Variants in NBEA observed in about 807,000 individuals in gnomAD.
The protein encoded by NBEA is neurobeachin, also known as lysosomal-trafficking regulator 2.
NBEA carries 44 observed loss-of-function variants against 343.4 expected under a neutral mutation model. The observed-to-expected ratio is 0.13, with a 90% CI of 0.10 to 0.16. NBEA has a LOEUF of 0.16. Among genes scored for constraint, NBEA ranks in the 10% least tolerant of loss-of-function variants. The probability of loss-of-function intolerance (pLI) is 1.00; values close to 1 mark genes in which losing one functional copy is unlikely to be tolerated. For missense variants in NBEA, 2,555 were observed against 3,631.3 expected, an observed-to-expected ratio of 0.70 and a Z score of 7.62; for synonymous variants, 1,175 against 1,238.7, an observed-to-expected ratio of 0.95 and a Z score of 1.08.
At chr13:35,442,772 A>T (rs1396062007) in intron 39 of NBEA, among the ~76,000 whole-genome samples, 2 of 152,138 alleles carry the variant, frequency 1.3e-5, no homozygotes, top group Non-Finnish European at 2.9e-5. Context: ...GTAAAAATGA[A>T]TTGCATGACT....
intron 41 of NBEA, among the ~76,000 whole-genome samples, chr13:35,506,720 A>G (rs1566238218): frequency 6.6e-6 from 1 of 152,170 alleles, no homozygotes; most frequent in Non-Finnish European, 1.5e-5. Context: ...AAGCCTCAAC[A>G]TGATTTGTCA....
At chr13:35,660,610 C>A (rs965948974) in intron 55 of NBEA, among the ~76,000 whole-genome samples, 18 of 152,166 alleles carry the variant, frequency 1.2e-4, no homozygotes, top group Non-Finnish European at 2.5e-4. Flanking sequence ...TGGACGCTGA[C>A]CCTCCTGCCA....
At chr13:35,587,991 A>G (rs1008591407) in intron 46 of NBEA, among the ~76,000 whole-genome samples, 1 of 152,176 alleles carries the variant, frequency 6.6e-6, no homozygotes, top group African/African-American at 2.4e-5. Context: ...TTTAATAAAT[A>G]TATTTGTTAA....
At chr13:35,355,517 A>G (rs2040442505) in intron 38 of NBEA, among the ~76,000 whole-genome samples, 1 of 152,192 alleles carries the variant, frequency 6.6e-6, no homozygotes, top group Non-Finnish European at 1.5e-5. Flanking sequence ...TGGCTACCAT[A>G]GTAGTTATCA....
chr13:35,122,010 T>C (rs1217922887), intron 16 of NBEA, among the ~76,000 whole-genome samples: 5 of 152,098 alleles, frequency 3.3e-5, no homozygotes, highest in African/African-American at 1.2e-4. Context: ...TTCTACTTTA[T>C]GGAAACAAAT....
At chr13:35,497,885 T>A (rs985128074) in intron 41 of NBEA, among the ~76,000 whole-genome samples, 4 of 152,064 alleles carry the variant, frequency 2.6e-5, no homozygotes, top group Non-Finnish European at 5.9e-5. Flanking sequence ...ATTATTTATA[T>A]TAAGAGCTTA....
intron 34 of NBEA, among the ~76,000 whole-genome samples, chr13:35,268,364 G>A (rs1348726085): frequency 6.6e-6 from 1 of 151,926 alleles, no homozygotes; most frequent in African/African-American, 2.4e-5. Context: ...TGGGGAATGG[G>A]GAGTTACTGT....
At chr13:34,983,337 T>C (rs1004405304) in intron 1 of NBEA, among the ~76,000 whole-genome samples, 1 of 152,200 alleles carries the variant, frequency 6.6e-6, no homozygotes, top group African/African-American at 2.4e-5. Flanking sequence ...TCCATGTCCC[T>C]GCAAAGGACA....
intron 44 of NBEA, among the ~76,000 whole-genome samples, chr13:35,563,662 A>T (rs1176572113): frequency 1.3e-5 from 2 of 151,794 alleles, no homozygotes; most frequent in Non-Finnish European, 2.9e-5. Context: ...AATGCTATAA[A>T]TCTCTGCTAA....
intron 1 of NBEA, among the ~76,000 whole-genome samples, chr13:35,039,682 G>A (rs1453502683): frequency 6.6e-6 from 1 of 151,958 alleles, no homozygotes; most frequent in African/African-American, 2.4e-5. Context: ...GTTAAGTGGT[G>A]GTATTATTAC....
At chr13:35,421,432 T>C (rs191998925) in intron 38 of NBEA, among the ~76,000 whole-genome samples, 41 of 152,216 alleles carry the variant, frequency 2.7e-4, no homozygotes, top group African/African-American at 9.6e-4. Flanking sequence ...ATGTGAAATA[T>C]AGACACTATG....
At chr13:35,558,413 A>G (rs2079686968) in intron 44 of NBEA, among the ~76,000 whole-genome samples, 1 of 152,190 alleles carries the variant, frequency 6.6e-6, no homozygotes, top group South Asian at 2.1e-4. Context: ...TTAAATTGGG[A>G]ATTGAAATAT....
intron 47 of NBEA, among the ~76,000 whole-genome samples, chr13:35,600,209 C>T (rs1249944676): frequency 6.6e-6 from 1 of 152,142 alleles, no homozygotes; most frequent in Admixed American, 6.5e-5. Context: ...ATTTCAGGAA[C>T]TGAAGATAAT....
At chr13:35,535,707 T>C (rs1385345269) in intron 41 of NBEA, among the ~76,000 whole-genome samples, 3 of 152,206 alleles carry the variant, frequency 2.0e-5, no homozygotes, top group Admixed American at 1.3e-4. Context: ...AGGGAAACTG[T>C]CACAAGTGTA....
At chr13:35,403,990 A>C (rs1039689729) in intron 38 of NBEA, among the ~76,000 whole-genome samples, 42 of 149,620 alleles carry the variant, frequency 2.8e-4, no homozygotes, top group Non-Finnish European at 4.9e-4. Context: ...AGCCAAAAAC[A>C]CATGAAAAAA....
At chr13:35,248,871 C>T (rs143242926) in intron 34 of NBEA, among the ~76,000 whole-genome samples, 182 of 152,166 alleles carry the variant, frequency 1.2e-3, no homozygotes, top group Middle Eastern at 3.4e-3. Context: ...TCATGATGGC[C>T]GAGCGTGGTA....
intron 34 of NBEA, among the ~76,000 whole-genome samples, chr13:35,265,732 G>T (rs2033617230): frequency 6.6e-6 from 1 of 151,770 alleles, no homozygotes; most frequent in Non-Finnish European, 1.5e-5. Context: ...AAACTTAAAT[G>T]TAAGACCTAC....
At chr13:35,446,176 A>G (rs1594667609) in intron 39 of NBEA, among the ~76,000 whole-genome samples, 1 of 152,212 alleles carries the variant, frequency 6.6e-6, no homozygotes, top group African/African-American at 2.4e-5. Context: ...ATAGTATTCC[A>G]TGGTGTATAT....
At chr13:35,366,126 T>G (rs1566033955) in intron 38 of NBEA, among the ~76,000 whole-genome samples, 1 of 151,606 alleles carries the variant, frequency 6.6e-6, no homozygotes, top group African/African-American at 2.4e-5. Context: ...GTGGCTTGTT[T>G]ACTGTCATCA....
Sources: allele counts gnomAD v4.1 joint callset (sites outside exome capture counted in the v4.1 genomes callset), GRCh38; gene constraint gnomAD v4.1.1; transcripts MANE v1.5; gene names NCBI Gene and HGNC (gene_info 2026-07-23, HGNC 2026-07-21).